Variants in DMGDH observed in about 807,000 individuals in gnomAD.
DMGDH encodes the protein dimethylglycine dehydrogenase.
DMGDH carries 76 observed loss-of-function variants against 95.2 expected under a neutral mutation model. The ratio of observed to expected loss-of-function variants is 0.80; its 90% CI spans 0.66 to 0.97. The LOEUF (loss-of-function observed/expected upper bound fraction) is 0.97. DMGDH is among the 50% of genes least tolerant of loss of function. The probability of loss-of-function intolerance (pLI) is 0.00; values close to 1 mark genes in which losing one functional copy is unlikely to be tolerated. For synonymous variants in DMGDH, 345 were observed against 377.6 expected, an observed-to-expected ratio of 0.91 and a Z score of 1.00; for missense variants, 987 against 1,055.0, an observed-to-expected ratio of 0.94 and a Z score of 0.89.
intron 12 of DMGDH, among the ~76,000 whole-genome samples, chr5:79,027,858 T>TTTTC (rs1754044508): frequency 6.6e-6 from 1 of 150,588 alleles, no homozygotes; most frequent in African/African-American, 2.4e-5. Flanking sequence ...TTTTTTTTTT[T>TTTTC]GAGATGCAGT....
At chr5:79,069,473 C>T in intron 1 of DMGDH, 47 bp downstream of exon 1, 2 of 1,187,090 alleles carry the variant, frequency 1.7e-6, no homozygotes, top group Non-Finnish European at 2.1e-6. Flanking sequence ...TGGCTCCCAC[C>T]CCCGCAGCCG....
At chr5:79,033,470 T>A in intron 7 of DMGDH, 62 bp from the exon 8 acceptor site, 1 of 1,587,562 alleles carries the variant, frequency 6.3e-7, no homozygotes, top group Middle Eastern at 1.7e-4. Context: ...TGAAACATAA[T>A]CAAACTATTT....
At chr5:79,065,758 G>T (rs898474156) in intron 1 of DMGDH, among the ~76,000 whole-genome samples, 1 of 152,150 alleles carries the variant, frequency 6.6e-6, no homozygotes, top group African/African-American at 2.4e-5. Flanking sequence ...CAGTAGGTTT[G>T]TTTAACCAGC....
At chr5:79,004,414 GA>G (rs968120999) in intron 15 of DMGDH, among the ~76,000 whole-genome samples, 60 of 152,072 alleles carry the variant, frequency 3.9e-4, no homozygotes, top group Non-Finnish European at 2.2e-4. Context: ...CAGTGAATAC[GA>G]AAAAAACCCA....
chr5:79,019,363 A>G (rs1307188962), intron 14 of DMGDH, among the ~76,000 whole-genome samples: 1 of 152,098 alleles, frequency 6.6e-6, no homozygotes, highest in African/African-American at 2.4e-5. Flanking sequence ...TCCTCTGACC[A>G]ATCCACATGT....
Position 79,062,636 on chromosome 5 carries a change from T to C in DMGDH, c.276+977A>G, listed in dbSNP as rs148918592. 2.8e-4 allele frequency among the ~76,000 whole-genome samples: 43 copies of C among 152,220 alleles called. No homozygotes were observed. In the East Asian group the frequency reaches 8.1e-3, roughly 29 times the overall value. ...TCATCTACCTGGGCAGCTTTCCAGG[T>C]AAGCCTAGTCAATTATGGCGCAGCC... On this transcript the variant is annotated intron_variant, in intron 2 of 15. Transcript: ENST00000255189.
intron 15 of DMGDH, 144 bp downstream of exon 15, chr5:79,005,129 T>C (rs1439885236): frequency 2.6e-6 from 3 of 1,134,212 alleles, no homozygotes; most frequent in Non-Finnish European, 3.9e-6. Context: ...GTTCTGTCTT[T>C]TGAATGTCAG....
intron 5 of DMGDH, among the ~76,000 whole-genome samples, chr5:79,049,490 C>T (rs1215381638): frequency 6.6e-6 from 1 of 152,166 alleles, no homozygotes; most frequent in Non-Finnish European, 1.5e-5. Flanking sequence ...CAATGTCTGC[C>T]ACAGGTGCTG....
At chr5:79,027,515 G>A (rs1754034908) in intron 12 of DMGDH, among the ~76,000 whole-genome samples, 1 of 152,162 alleles carries the variant, frequency 6.6e-6, no homozygotes, top group South Asian at 2.1e-4. Flanking sequence ...TTGAATGAAT[G>A]CCTGGGCATG....
chr5:78,998,753 A>C (rs1289451489), intron 15 of DMGDH, among the ~76,000 whole-genome samples: 1 of 152,160 alleles, frequency 6.6e-6, no homozygotes, highest in East Asian at 1.9e-4. Flanking sequence ...AGAAGGCTGA[A>C]GCATGAGAAT....
At chr5:79,039,731 A>ATAC (rs1455695459) in intron 7 of DMGDH, among the ~76,000 whole-genome samples, 1 of 152,042 alleles carries the variant, frequency 6.6e-6, no homozygotes, top group Non-Finnish European at 1.5e-5. Context: ...AATAATAATA[A>ATAC]TAAAGAACTT....
chr5:79,026,820 T>C (rs1313107322), intron 12 of DMGDH, among the ~76,000 whole-genome samples: 1 of 152,136 alleles, frequency 6.6e-6, no homozygotes, highest in East Asian at 1.9e-4. Flanking sequence ...GCAGGACACC[T>C]CTTGTCATGA....
rs1218492162 is a variant in DMGDH, at chr5:78,998,290, C to T, written c.2393G>A (p.Gly798Asp). 1 of 1,612,806 alleles carries T rather than the reference C, an allele frequency of 6.2e-7. No homozygotes were observed. The highest frequency in any genetic ancestry group is 1.7e-5 in the Admixed American group (1 of 59,826). The change falls in exon 16 of 16, where the codon GGC becomes GAC. Residue 798 changes from glycine to aspartate, a missense_variant. Gly to Asp is a moderately conservative substitution (Grantham distance 94). Coordinates refer to ENST00000255189, the MANE Select transcript of DMGDH (RefSeq NM_013391.3). Reference protein sequence around the residue: ...ESIWYNGKVVGNTTSGSYSYS... With the variant: ...ESIWYNGKVVDNTTSGSYSYS... The stretch of plus-strand genomic sequence containing the variant: ...GCTATAGCTTCCAGATGTCGTGTTG[C>T]CAACCACCTGGAAAACAAGACCCAA...
In DMGDH at chr5:79,030,964, C is replaced by T. The variant is rs765710414; in HGVS notation, c.1552G>A (p.Val518Met). Residue 518 changes from valine (V) to methionine (M), a missense_variant, in exon 10 of 16, where the codon GTG becomes ATG. Val to Met is a conservative substitution (Grantham distance 21). Coordinates refer to ENST00000255189, the MANE Select transcript of DMGDH (RefSeq NM_013391.3). Reference sequence around the variant, plus strand: ...ATAACCTGTTTATACTCCGAGCCCACAGGCTCAAACCAGTTTGTGCGGCGA... The same window carrying T: ...ATAACCTGTTTATACTCCGAGCCCATAGGCTCAAACCAGTTTGTGCGGCGA... ...SFRRTNWFEP[V>M]GSEYKQVMQR... The T allele has an allele frequency of 1.2e-6, 2 of 1,614,214 alleles. No individual in the cohort carries two copies. Among genetic ancestry groups the T allele is most frequent in the East Asian group, 4.5e-5 (2 of 44,886 alleles).
chr5:79,013,044 C>T (rs1351261673), intron 14 of DMGDH, among the ~76,000 whole-genome samples: 2 of 152,212 alleles, frequency 1.3e-5, no homozygotes, highest in Admixed American at 1.3e-4. Context: ...CTTTTCTTTT[C>T]TACTACATGG....
At chr5:79,002,692 GAATAA>G (rs1164601658) in intron 15 of DMGDH, among the ~76,000 whole-genome samples, 4 of 152,046 alleles carry the variant, frequency 2.6e-5, no homozygotes, top group Non-Finnish European at 5.9e-5. Context: ...ATGCTTGCAA[GAATAA>G]AATACTAAAT....
chr5:79,030,136 A>G, intron 10 of DMGDH, 102 bp from the exon 11 acceptor site: 1 of 1,006,948 alleles, frequency 9.9e-7, no homozygotes, highest in Non-Finnish European at 1.5e-6. Context: ...AATGAAAAGT[A>G]TCTGAATCTT....
chr5:79,038,124 T>C (rs1028859220), intron 7 of DMGDH, among the ~76,000 whole-genome samples: 34 of 152,084 alleles, frequency 2.2e-4, no homozygotes, highest in African/African-American at 8.2e-4. Flanking sequence ...AAGAACAAAG[T>C]TGGAGGATTC....
chr5:79,004,932 A>G (rs1473382031), intron 15 of DMGDH, among the ~76,000 whole-genome samples: 1 of 152,232 alleles, frequency 6.6e-6, no homozygotes, highest in African/African-American at 2.4e-5. Flanking sequence ...CAAATTTTTT[A>G]TAAAATCCAT....
Sources: allele counts gnomAD v4.1 joint callset (sites outside exome capture counted in the v4.1 genomes callset), GRCh38; gene constraint gnomAD v4.1.1; transcripts MANE v1.5; gene names NCBI Gene and HGNC (gene_info 2026-07-23, HGNC 2026-07-21).